The following TBC1D32 variants were observed in gnomAD, a reference collection of about 807,000 sequenced individuals.
The protein encoded by TBC1D32 is TBC1 domain family member 32.
In TBC1D32, 151 loss-of-function variants were observed where a neutral mutation model predicts 170.3. The ratio of observed to expected loss-of-function variants is 0.89; its 90% CI spans 0.78 to 1.01. The LOEUF is 1.01. TBC1D32 is among the 50% of genes least tolerant of loss of function. TBC1D32 has a pLI of 0.00. For synonymous variants in TBC1D32, 498 were observed against 488.0 expected, an observed-to-expected ratio of 1.02 and a Z score of -0.27; for missense variants, 1,464 against 1,457.1, an observed-to-expected ratio of 1.00 and a Z score of -0.08.
chr6:121,204,064 A>G (rs1270916290), intron 22 of TBC1D32, among the ~76,000 whole-genome samples: 1 of 147,342 alleles, frequency 6.8e-6, no homozygotes, highest in Non-Finnish European at 1.5e-5. Context: ...TAACTGCAAA[A>G]CTCAGAAACA....
intron 1 of TBC1D32, among the ~76,000 whole-genome samples, chr6:121,333,855 T>C (rs998550979): frequency 6.6e-6 from 1 of 151,656 alleles, no homozygotes; most frequent in African/African-American, 2.4e-5. Flanking sequence ...TCACTTGAGG[T>C]AGGGAGTTCG....
intron 14 of TBC1D32, 83 bp from the exon 15 acceptor site, chr6:121,279,328 A>C (rs61700297): frequency 6.8e-7 from 1 of 1,466,846 alleles, no homozygotes; most frequent in African/African-American, 1.5e-5. Context: ...GAGGATTGTA[A>C]GTAGTCTTAT....
At chr6:121,191,042 CATATAT>C (rs56242809) in intron 22 of TBC1D32, among the ~76,000 whole-genome samples, 2,519 of 149,634 alleles carry the variant, frequency 0.017, 45 homozygotes, top group African/African-American at 0.048. Context: ...TGTGTGTATG[CATATAT>C]ATATATATAT....
chr6:121,179,641 G>A (rs956202476), intron 22 of TBC1D32, among the ~76,000 whole-genome samples: 1 of 151,988 alleles, frequency 6.6e-6, no homozygotes, highest in East Asian at 1.9e-4. Flanking sequence ...TTTTAAAGAC[G>A]TGCATTCTCG....
chr6:121,310,809 T>TA lies in TBC1D32; in HGVS notation c.533dup (p.Leu178PhefsTer10), dbSNP rs1343097655. 4 of 1,578,800 alleles carry TA rather than the reference T, an allele frequency of 2.5e-6. No homozygotes were observed. The highest frequency in any genetic ancestry group is 3.5e-6 in the Non-Finnish European group (4 of 1,158,142). ...TAGGTTGCCCAGGATCCAACTGGTCTAAAATCAATTGTAATTTTCCTTGAC... is the reference window on the plus strand; with the variant it reads ...TAGGTTGCCCAGGATCCAACTGGTCTAAAAATCAATTGTAATTTTCCTTGAC... On this transcript the variant is annotated frameshift_variant, in exon 4 of 32. Coordinates refer to ENST00000398212, the MANE Select transcript of TBC1D32 (RefSeq NM_152730.6). LOFTEE classifies it high-confidence loss of function.
At chr6:121,288,992 T>C (rs1804359049) in intron 12 of TBC1D32, among the ~76,000 whole-genome samples, 1 of 152,138 alleles carries the variant, frequency 6.6e-6, no homozygotes, top group Non-Finnish European at 1.5e-5. Context: ...TAGGTATTGA[T>C]GGGACGTATC....
At chr6:121,294,095 G>A (rs903275408) in intron 11 of TBC1D32, among the ~76,000 whole-genome samples, 1 of 152,026 alleles carries the variant, frequency 6.6e-6, no homozygotes, top group African/African-American at 2.4e-5. Flanking sequence ...TCAAGAAATT[G>A]GGGCCAGATT....
At chr6:121,208,778 A>T (rs763551162) in intron 21 of TBC1D32, among the ~76,000 whole-genome samples, 1 of 146,326 alleles carries the variant, frequency 6.8e-6, no homozygotes, top group Non-Finnish European at 1.5e-5. Context: ...TCTTCCCTGG[A>T]GCCTTGGGAG....
chr6:121,199,271 C>T (rs557492979), intron 22 of TBC1D32, among the ~76,000 whole-genome samples: 1 of 151,266 alleles, frequency 6.6e-6, no homozygotes, highest in South Asian at 2.1e-4. Context: ...CAATCGTGTA[C>T]TGGAATATTA....
chr6:121,085,288 CATAT>C (rs1201546118), intron 31 of TBC1D32, among the ~76,000 whole-genome samples: 2 of 142,542 alleles, frequency 1.4e-5, no homozygotes, highest in African/African-American at 2.6e-5. Context: ...TATATATATA[CATAT>C]ATACATACAT....
intron 3 of TBC1D32, among the ~76,000 whole-genome samples, chr6:121,315,670 A>C (rs1306024188): frequency 1.3e-5 from 2 of 152,060 alleles, no homozygotes; most frequent in African/African-American, 4.8e-5. Flanking sequence ...CCCCACAGCA[A>C]GAAACAACAA....
At chr6:121,214,056 C>T (rs1223035270) in intron 21 of TBC1D32, among the ~76,000 whole-genome samples, 5 of 152,312 alleles carry the variant, frequency 3.3e-5, no homozygotes, top group South Asian at 2.1e-4. Flanking sequence ...GTTTGATAAA[C>T]GTGCTGAGAT....
chr6:121,306,842 G>T (rs1332321870), intron 5 of TBC1D32, among the ~76,000 whole-genome samples: 1 of 151,918 alleles, frequency 6.6e-6, no homozygotes, highest in Non-Finnish European at 1.5e-5. Flanking sequence ...TTCTATATTT[G>T]CTTTATGATT....
chr6:121,239,112 G>C lies in TBC1D32; in HGVS notation c.2322C>G (p.Pro774=), dbSNP rs1303565520. Residue 774 remains proline (P), a synonymous_variant, in exon 20 of 32, where the codon CCC becomes CCG. Transcript: ENST00000398212. The part of the protein sequence containing the change: ...YGRDDVRVTH[P]RTTPVDPIDR... ...CAATAGGATCCACTGGAGTAGTTCT[G>C]GGATGGGTTACCCTAACATCATCTC... The C allele has an allele frequency of 8.1e-6, 13 of 1,604,486 alleles. No homozygotes were observed. The Admixed American group carries it at 2.2e-4, about 27-fold the overall frequency.
At chr6:121,331,923 T>C (rs1811273155) in intron 1 of TBC1D32, among the ~76,000 whole-genome samples, 2 of 152,200 alleles carry the variant, frequency 1.3e-5, no homozygotes, top group Admixed American at 1.3e-4. Context: ...AAATGACTTT[T>C]AGGATTCTAT....
At chr6:121,149,092 G>A (rs1437309284) in intron 24 of TBC1D32, among the ~76,000 whole-genome samples, 2 of 152,004 alleles carry the variant, frequency 1.3e-5, no homozygotes, top group South Asian at 2.1e-4. Flanking sequence ...TTTGCTCACT[G>A]TTTGATGGGG....
chr6:121,209,760 AC>A (rs1288747129), intron 21 of TBC1D32, among the ~76,000 whole-genome samples: 1 of 152,196 alleles, frequency 6.6e-6, no homozygotes, highest in Non-Finnish European at 1.5e-5. Context: ...TTGCCTTTCA[AC>A]AAAGTCAACA....
chr6:121,245,311 T>A (rs911026484), intron 17 of TBC1D32, among the ~76,000 whole-genome samples: 1 of 152,172 alleles, frequency 6.6e-6, no homozygotes, highest in Non-Finnish European at 1.5e-5. Flanking sequence ...AGCACCAGCC[T>A]GGAGCCTGGC....
intron 24 of TBC1D32, among the ~76,000 whole-genome samples, chr6:121,145,062 T>C (rs974801075): frequency 6.6e-6 from 1 of 152,016 alleles, no homozygotes; most frequent in Admixed American, 6.6e-5. Flanking sequence ...TACAAGTGGG[T>C]CCAAGAGAGA....
Sources: gnomAD v4.1 joint callset for allele counts (sites outside exome capture counted in the v4.1 genomes callset) on GRCh38, gnomAD v4.1.1 for gene constraint, MANE v1.5 for transcripts, NCBI Gene and HGNC (gene_info 2026-07-23, HGNC 2026-07-21) for gene names.